DYNC1I1: variants seen among roughly 807,000 people sequenced by gnomAD.
The protein encoded by DYNC1I1 is dynein cytoplasmic 1 intermediate chain 1.
In DYNC1I1, 43 loss-of-function variants were observed where a neutral mutation model predicts 86.6. The ratio of observed to expected loss-of-function variants is 0.50; its 90% CI spans 0.39 to 0.64. The LOEUF (loss-of-function observed/expected upper bound fraction) is 0.64. Ranked by LOEUF, DYNC1I1 falls within the 30% of genes least tolerant of loss-of-function variation. DYNC1I1 has a pLI of 0.00. For missense variants in DYNC1I1, 604 were observed against 788.8 expected (o/e 0.77, Z 2.81); for synonymous variants, 262 against 283.7 (o/e 0.92, Z 0.77).
intron 10 of DYNC1I1, 23 bp from the exon 11 acceptor site, chr7:96,028,152 C>G (rs763628350): frequency 3.1e-6 from 5 of 1,611,674 alleles, no homozygotes; most frequent in South Asian, 1.1e-5. Flanking sequence ...GCATCTCTCT[C>G]TCTCTCTCCT....
chr7:96,077,238 T>TG (rs1440539858), intron 15 of DYNC1I1, among the ~76,000 whole-genome samples: 15 of 126,448 alleles, frequency 1.2e-4, no homozygotes, highest in Middle Eastern at 3.7e-3. Flanking sequence ...TTCCCTAGTA[T>TG]TTGTGTGTGT....
intron 4 of DYNC1I1, among the ~76,000 whole-genome samples, chr7:95,827,782 G>GT (rs1416473002): frequency 3.9e-5 from 6 of 152,238 alleles, no homozygotes; most frequent in African/African-American, 1.4e-4. Context: ...AAAACAAAGG[G>GT]TAGGGGTGTG....
At chr7:96,074,942 A>T (rs1338496247) in intron 14 of DYNC1I1, among the ~76,000 whole-genome samples, 2 of 152,268 alleles carry the variant, frequency 1.3e-5, no homozygotes, top group Non-Finnish European at 2.9e-5. Context: ...GATGAAGAAG[A>T]CATTGGGGAA....
intron 1 of DYNC1I1, among the ~76,000 whole-genome samples, chr7:95,794,019 G>T (rs1161709911): frequency 6.6e-6 from 1 of 152,218 alleles, no homozygotes; most frequent in African/African-American, 2.4e-5. Context: ...TATATAAAGT[G>T]CAGTCATGGT....
At chr7:95,864,845 A>G (rs1789977053) in intron 5 of DYNC1I1, among the ~76,000 whole-genome samples, 1 of 151,952 alleles carries the variant, frequency 6.6e-6, no homozygotes, top group African/African-American at 2.4e-5. Flanking sequence ...CTGGGATCTG[A>G]TGGCAGGGTG....
chr7:95,915,988 A>C (rs551993313), intron 6 of DYNC1I1, among the ~76,000 whole-genome samples: 2 of 152,196 alleles, frequency 1.3e-5, no homozygotes, highest in Non-Finnish European at 1.5e-5. Flanking sequence ...TTTGCCTTCA[A>C]GTAAATACCT....
At chr7:95,875,712 C>G (rs1790292784) in intron 6 of DYNC1I1, among the ~76,000 whole-genome samples, 1 of 152,194 alleles carries the variant, frequency 6.6e-6, no homozygotes, top group South Asian at 2.1e-4. Flanking sequence ...ATCTGTTGCC[C>G]TCTGGCATGA....
rs138329528 is a variant in DYNC1I1 at position 95,978,870 on chromosome 7, A to T, written c.580+1269A>T. Among the ~76,000 whole-genome samples the T allele has an allele frequency of 3.4e-3, 517 of 151,944 alleles. 12 individuals carry two copies. Among genetic ancestry groups the T allele is most frequent in the Admixed American group, 0.027 (410 of 15,268 alleles). On this transcript the variant is annotated intron_variant, in intron 7 of 16. Coordinates refer to ENST00000447467, the MANE Select transcript of DYNC1I1 (RefSeq NM_001135556.2). Reference sequence around the variant, plus strand: ...CAGTGCAGCGACGTGATCTCAGCTCACTGCAACCTCTGCCTCCCAGGTTCA... The same window carrying T: ...CAGTGCAGCGACGTGATCTCAGCTCTCTGCAACCTCTGCCTCCCAGGTTCA...
chr7:96,008,016 T>C (rs1313720774), intron 10 of DYNC1I1, among the ~76,000 whole-genome samples: 1 of 152,186 alleles, frequency 6.6e-6, no homozygotes, highest in Non-Finnish European at 1.5e-5. Context: ...ACTGTATTTA[T>C]TATTGCACTT....
At chr7:96,083,677 G>T (rs979875524) in intron 16 of DYNC1I1, among the ~76,000 whole-genome samples, 7 of 152,166 alleles carry the variant, frequency 4.6e-5, no homozygotes, top group African/African-American at 1.7e-4. Flanking sequence ...TCTAAGGCTG[G>T]TGCATGACTG....
intron 1 of DYNC1I1, among the ~76,000 whole-genome samples, chr7:95,795,782 T>C (rs2115744700): frequency 6.6e-6 from 1 of 151,786 alleles, no homozygotes; most frequent in East Asian, 1.9e-4. Context: ...AAATAACTAC[T>C]GGAAATTAGG....
chr7:96,010,369 A>T (rs142107959), intron 10 of DYNC1I1, among the ~76,000 whole-genome samples: 1 of 152,270 alleles, frequency 6.6e-6, no homozygotes, highest in East Asian at 1.9e-4. Context: ...AGGCGACCTC[A>T]CATGAAGAAT....
At chr7:96,048,288 T>G (rs1327699263) in intron 14 of DYNC1I1, among the ~76,000 whole-genome samples, 1 of 152,164 alleles carries the variant, frequency 6.6e-6, no homozygotes, top group Admixed American at 6.5e-5. Flanking sequence ...TTGTGGAATC[T>G]CTTACAGGAA....
intron 1 of DYNC1I1, among the ~76,000 whole-genome samples, chr7:95,785,005 G>A (rs1419351616): frequency 6.6e-6 from 1 of 152,042 alleles, no homozygotes; most frequent in Non-Finnish European, 1.5e-5. Flanking sequence ...CTTTCCCATG[G>A]GACTGTTTAA....
Position 96,098,017 on chromosome 7 carries a change from CGTG to C in DYNC1I1, c.*428_*430del. 1.0e-6 allele frequency: 1 copy of C among 990,628 alleles called. No individual in the cohort carries two copies. Among genetic ancestry groups the C allele is most frequent in the Non-Finnish European group, 1.2e-6 (1 of 832,788 alleles). 61.4% of individuals were successfully genotyped at this position (990,628 alleles called of 1,614,324 possible). On this transcript the variant is annotated 3_prime_UTR_variant, in exon 17 of 17. Transcript: ENST00000447467. ...ATGGTACAGGGCCAAAGACTTGAGA[CGTG>C]GTGTTTTACATGGTGACTCACATTA...
At chr7:96,024,831 C>A (rs1282471493) in intron 10 of DYNC1I1, among the ~76,000 whole-genome samples, 1 of 152,104 alleles carries the variant, frequency 6.6e-6, no homozygotes, top group Non-Finnish European at 1.5e-5. Context: ...AGGATGATAT[C>A]ATTTGCTCTT....
At chr7:95,952,791 G>T (rs555565086) in intron 6 of DYNC1I1, among the ~76,000 whole-genome samples, 2 of 151,870 alleles carry the variant, frequency 1.3e-5, no homozygotes, top group African/African-American at 4.8e-5. Context: ...CCTCTGCCTC[G>T]TCCTTCCTCT....
chr7:95,989,665 G>C (rs549080021), intron 9 of DYNC1I1, among the ~76,000 whole-genome samples: 26 of 152,300 alleles, frequency 1.7e-4, no homozygotes, highest in African/African-American at 6.0e-4. Flanking sequence ...ACAGGGTCTC[G>C]CATGATGTTT....
chr7:95,797,266 G>T (rs1794464767), intron 1 of DYNC1I1, among the ~76,000 whole-genome samples: 2 of 152,182 alleles, frequency 1.3e-5, no homozygotes, highest in South Asian at 4.1e-4. Context: ...TGACAAGCTA[G>T]GGTGATTCAG....
Sources: gnomAD v4.1 joint callset for allele counts (sites outside exome capture counted in the v4.1 genomes callset) on GRCh38, gnomAD v4.1.1 for gene constraint, MANE v1.5 for transcripts, NCBI Gene and HGNC (gene_info 2026-07-23, HGNC 2026-07-21) for gene names.